The following LRRC7 variants were observed in gnomAD, a reference collection of about 807,000 sequenced individuals.
LRRC7 encodes the protein leucine rich repeat containing 7.
A neutral mutation model predicts 175.7 loss-of-function variants in LRRC7; 23 were observed. The ratio of observed to expected loss-of-function variants is 0.13; its 90% CI spans 0.09 to 0.19. LRRC7 has a LOEUF of 0.19. Among genes scored for constraint, LRRC7 ranks in the 10% least tolerant of loss-of-function variants. The probability of loss-of-function intolerance (pLI) is 1.00; values close to 1 mark genes in which losing one functional copy is unlikely to be tolerated. For synonymous variants in LRRC7, 685 were observed against 680.9 expected, an observed-to-expected ratio of 1.01 and a Z score of -0.09; for missense variants, 1,354 against 1,904.7, an observed-to-expected ratio of 0.71 and a Z score of 5.38.
chr1:69,803,271 G>A (rs1676733849), intron 4 of LRRC7, among the ~76,000 whole-genome samples: 1 of 151,226 alleles, frequency 6.6e-6, no homozygotes, highest in African/African-American at 2.4e-5. Context: ...AGAATATTAG[G>A]TTCAACTTGT....
chr1:70,008,192 G>T (rs988886236), intron 11 of LRRC7, among the ~76,000 whole-genome samples: 1 of 152,136 alleles, frequency 6.6e-6, no homozygotes, highest in Non-Finnish European at 1.5e-5. Flanking sequence ...GATGTAGGCT[G>T]GGGGGCTAGG....
chr1:70,017,945 G>A (rs574597602), intron 14 of LRRC7, among the ~76,000 whole-genome samples: 1 of 152,200 alleles, frequency 6.6e-6, no homozygotes, highest in African/African-American at 2.4e-5. Flanking sequence ...AGCAGTGACT[G>A]CATCATTTAA....
Position 69,580,409 on chromosome 1 carries a change from T to C in LRRC7, c.2+11768T>C, listed in dbSNP as rs1646148115. ...AAAAACATCAACCTATTTGAGAAAATTTTATAAGTCTTAAGCACTTTGACT... is the reference window on the plus strand; with the variant it reads ...AAAAACATCAACCTATTTGAGAAAACTTTATAAGTCTTAAGCACTTTGACT... On this transcript the variant is annotated intron_variant, in intron 1 of 26. Transcript: ENST00000651989. Among the ~76,000 whole-genome samples, 11 of 152,048 alleles carry C rather than the reference T, an allele frequency of 7.2e-5. No individual in the cohort carries two copies. The South Asian group carries it at 2.3e-3, about 31-fold the overall frequency.
intron 7 of LRRC7, among the ~76,000 whole-genome samples, chr1:69,850,647 G>A (rs1019778539): frequency 4.6e-5 from 7 of 152,032 alleles, no homozygotes; most frequent in South Asian, 4.1e-4. Context: ...GACAGAATGC[G>A]TGGTGAAAAG....
chr1:69,930,701 T>C (rs1248807897), intron 7 of LRRC7, among the ~76,000 whole-genome samples: 1 of 152,102 alleles, frequency 6.6e-6, no homozygotes, highest in Non-Finnish European at 1.5e-5. Flanking sequence ...AGAGGTTTAA[T>C]TGACTCACAG....
In LRRC7 at chr1:70,038,686, G is replaced by T. The variant is rs370666609; in HGVS notation, c.2862G>T (p.Pro954=). ...SNVFSQIHCR[P]ESSKGVISIS... Reference sequence around the variant, plus strand: ...TCTTTTCTCAAATCCACTGCCGCCCGGAATCTTCTAAAGGTGTTATTTCAA... The same window carrying T: ...TCTTTTCTCAAATCCACTGCCGCCCTGAATCTTCTAAAGGTGTTATTTCAA... Residue 954 remains proline (P), a synonymous_variant, in exon 21 of 27, where the codon CCG becomes CCT. Transcript: ENST00000651989. 6.2e-7 allele frequency: 1 copy of T among 1,613,978 alleles called. No homozygotes were observed. Among genetic ancestry groups the T allele is most frequent in the Non-Finnish European group, 8.5e-7 (1 of 1,179,988 alleles).
At chr1:69,793,693 T>G (rs940359992) in intron 4 of LRRC7, among the ~76,000 whole-genome samples, 8 of 152,092 alleles carry the variant, frequency 5.3e-5, no homozygotes, top group African/African-American at 9.7e-5. Flanking sequence ...ATCTATTGTC[T>G]GGAATCTCCT....
intron 10 of LRRC7, among the ~76,000 whole-genome samples, chr1:69,987,721 C>T (rs1654069419): frequency 6.6e-6 from 1 of 152,152 alleles, no homozygotes; most frequent in African/African-American, 2.4e-5. Flanking sequence ...TTCTTCAATA[C>T]ATTATTACTT....
At chr1:69,673,328 CATGCTATTTG>C (rs1251801299) in intron 1 of LRRC7, among the ~76,000 whole-genome samples, 1 of 152,172 alleles carries the variant, frequency 6.6e-6, no homozygotes, top group Admixed American at 6.5e-5. Context: ...ATTGCTATTT[CATGCTATTTG>C]ATATTAACCT....
intron 8 of LRRC7, among the ~76,000 whole-genome samples, chr1:69,972,878 T>G (rs1652389836): frequency 6.7e-6 from 1 of 149,650 alleles, no homozygotes; most frequent in Non-Finnish European, 1.5e-5. Context: ...CGAGTGCCCA[T>G]CAATGAGTGG....
rs1270743818 is a variant in LRRC7, at chr1:69,781,738, AGAGAGAGAGAGAGAGAGAGAGAGAG to A, written c.304-10304_304-10280del. On this transcript the variant is annotated intron_variant, in intron 3 of 26. Transcript: ENST00000651989. ...AAGAAAGAAAGAAAGAAAGAAAGAG[AGAGAGAGAGAGAGAGAGAGAGAGAG>A]AGAAAGAAAGAAAGAAAGAAAGAAA... is the stretch of plus-strand genomic sequence containing the variant. Among the ~76,000 whole-genome samples, 370 of 44,316 alleles carry A rather than the reference AGAGAGAGAGAGAGAGAGAGAGAGAG, an allele frequency of 8.3e-3. 21 individuals carry two copies. The highest frequency in any genetic ancestry group is 0.018 in the East Asian group (20 of 1,116). 29.1% of individuals were successfully genotyped at this position (44,316 alleles called of 152,430 possible). A position where few individuals can be genotyped will look rare whatever the true frequency, so the allele number is the denominator to read the frequency against.
At chr1:69,684,889 T>G (rs943256884) in intron 2 of LRRC7, among the ~76,000 whole-genome samples, 3 of 152,188 alleles carry the variant, frequency 2.0e-5, no homozygotes, top group Admixed American at 6.6e-5. Context: ...AACAGAACAG[T>G]AAGGCCCCAG....
chr1:69,862,433 G>A (rs890243844), intron 7 of LRRC7, among the ~76,000 whole-genome samples: 1 of 152,124 alleles, frequency 6.6e-6, no homozygotes, highest in African/African-American at 2.4e-5. Context: ...ATTATAGGGA[G>A]GAGTACAGTA....
At chr1:69,568,955 G>A (rs1443980663) in intron 1 of LRRC7, among the ~76,000 whole-genome samples, 1 of 152,176 alleles carries the variant, frequency 6.6e-6, no homozygotes, top group Non-Finnish European at 1.5e-5. Flanking sequence ...CGCTGGTGCT[G>A]GGACCATTGG....
chr1:70,036,348 C>G, intron 19 of LRRC7, 96 bp from the exon 20 acceptor site: 1 of 1,416,736 alleles, frequency 7.1e-7, no homozygotes, highest in Non-Finnish European at 9.7e-7. Context: ...ATATGCATTT[C>G]TAACCTTAAT....
chr1:69,581,091 C>T (rs1365717268), intron 1 of LRRC7, among the ~76,000 whole-genome samples: 1 of 152,128 alleles, frequency 6.6e-6, no homozygotes, highest in Non-Finnish European at 1.5e-5. Flanking sequence ...CGTTATGAGG[C>T]AGACATGAGC....
intron 7 of LRRC7, among the ~76,000 whole-genome samples, chr1:69,840,951 A>G (rs1223484530): frequency 6.6e-6 from 1 of 151,910 alleles, no homozygotes; most frequent in Non-Finnish European, 1.5e-5. Context: ...GAGAATTCAA[A>G]TGAATGTTAG....
rs757145544 is a variant in LRRC7 at position 69,605,315 on chromosome 1, A to G, written c.2+36674A>G. 3.2e-4 allele frequency among the ~76,000 whole-genome samples: 49 copies of G among 152,172 alleles called. 1 individual carries two copies. The highest frequency in any genetic ancestry group is 2.0e-4 in the Admixed American group (3 of 15,270). On this transcript the variant is annotated intron_variant, in intron 1 of 26. Transcript: ENST00000651989. The stretch of plus-strand genomic sequence containing the variant: ...ATGATTGTGAGGCCTCTCCAGCCAC[A>G]TGAAACTGTGGGTCCATAAAACCTC...
intron 2 of LRRC7, among the ~76,000 whole-genome samples, chr1:69,707,548 C>A (rs1664198979): frequency 6.6e-6 from 1 of 152,130 alleles, no homozygotes; most frequent in African/African-American, 2.4e-5. Context: ...TTATTCTCAA[C>A]TCTGTCTCAG....
Sources: allele counts gnomAD v4.1 joint callset (sites outside exome capture counted in the v4.1 genomes callset), GRCh38; gene constraint gnomAD v4.1.1; transcripts MANE v1.5; gene names NCBI Gene and HGNC (gene_info 2026-07-23, HGNC 2026-07-21).